GLRA2: variants seen among roughly 807,000 people sequenced by gnomAD.
GLRA2 encodes the protein glycine receptor subunit alpha-2.
GLRA2 carries 11 observed loss-of-function variants against 31.6 expected under a neutral mutation model. The observed-to-expected ratio is 0.35, with a 90% CI of 0.22 to 0.58. The LOEUF (loss-of-function observed/expected upper bound fraction) is 0.58. Among genes scored for constraint, GLRA2 ranks in the 20% least tolerant of loss-of-function variants. GLRA2 has a pLI of 0.84. For synonymous variants in GLRA2, 132 were observed against 134.0 expected (o/e 0.99, Z 0.10); for missense variants, 212 against 351.8 (o/e 0.60, Z 3.18).
At chrX:14,567,580 C>T (rs1052990490) in intron 2 of GLRA2, among the ~76,000 whole-genome samples, 13 of 112,213 alleles carry the variant, frequency 1.2e-4, no homozygotes, top group Non-Finnish European at 1.9e-5. Flanking sequence ...AGAAATAAGA[C>T]AATACCTGCC....
intron 8 of GLRA2, among the ~76,000 whole-genome samples, chrX:14,699,756 C>G (rs1349003052): frequency 8.9e-6 from 1 of 111,776 alleles, no homozygotes; most frequent in Non-Finnish European, 1.9e-5. Flanking sequence ...CTGATAACCA[C>G]TATTATACTG....
intron 8 of GLRA2, among the ~76,000 whole-genome samples, chrX:14,717,876 A>G (rs903825806): frequency 9.0e-6 from 1 of 111,017 alleles, no homozygotes; most frequent in African/African-American, 3.3e-5. Flanking sequence ...TATGGTTCAG[A>G]TACTTATTTT....
At chrX:14,668,699 C>T (rs778765001) in intron 7 of GLRA2, among the ~76,000 whole-genome samples, 5 of 111,861 alleles carry the variant, frequency 4.5e-5, no homozygotes, top group Admixed American at 2.8e-4. Flanking sequence ...CATCACATGT[C>T]GTGAGACTTA....
intron 7 of GLRA2, among the ~76,000 whole-genome samples, chrX:14,609,507 T>C (rs1007775125): frequency 1.8e-5 from 2 of 111,228 alleles, no homozygotes; most frequent in African/African-American, 3.3e-5. Context: ...CGGTTGTTTA[T>C]AAGACATGAA....
intron 7 of GLRA2, among the ~76,000 whole-genome samples, chrX:14,638,480 T>G (rs1394987210): frequency 9.0e-6 from 1 of 111,507 alleles, no homozygotes; most frequent in East Asian, 2.8e-4. Flanking sequence ...ATTTTTACAT[T>G]AATGGTAATA....
chrX:14,655,072 C>T (rs1389947622), intron 7 of GLRA2, among the ~76,000 whole-genome samples: 1 of 111,179 alleles, frequency 9.0e-6, no homozygotes, highest in East Asian at 2.8e-4. Context: ...AGTGGGGACA[C>T]AGCCAAACCA....
At chrX:14,701,007 C>A (rs1041326009) in intron 8 of GLRA2, among the ~76,000 whole-genome samples, 9 of 109,493 alleles carry the variant, frequency 8.2e-5, no homozygotes, top group Non-Finnish European at 1.5e-4. Flanking sequence ...AAGGACATGG[C>A]AAGTTTGTGG....
chrX:14,681,910 A>AAAAAAAAAT (rs758563376), intron 7 of GLRA2, among the ~76,000 whole-genome samples: 1 of 41,294 alleles, frequency 2.4e-5, no homozygotes, highest in Non-Finnish European at 4.4e-5. Flanking sequence ...AAAAAAAAAA[A>AAAAAAAAAT]ATATATATAT....
chrX:14,637,046 A>G (rs16996966), intron 7 of GLRA2, among the ~76,000 whole-genome samples: 1,342 of 111,912 alleles, frequency 0.012, 16 homozygotes, highest in African/African-American at 0.04. Context: ...GGACAGTGCC[A>G]AGATATTCAT....
the GLRA2 span, among the ~76,000 whole-genome samples, chrX:14,518,421 A>G: frequency 9.0e-6 from 1 of 111,650 alleles, no homozygotes; most frequent in African/African-American, 3.3e-5. Flanking sequence ...GTATAAGAAT[A>G]TTATGCAGCA....
At chrX:14,721,687 T>C (rs1203541679) in intron 8 of GLRA2, among the ~76,000 whole-genome samples, 2 of 111,587 alleles carry the variant, frequency 1.8e-5, no homozygotes, top group East Asian at 5.6e-4. Context: ...AGGCCTGTTC[T>C]GATTTGAGGA....
chrX:14,674,009 C>A (rs1264760130), intron 7 of GLRA2, among the ~76,000 whole-genome samples: 1 of 112,288 alleles, frequency 8.9e-6, no homozygotes, highest in Non-Finnish European at 1.9e-5. Context: ...GAGGGAGGTT[C>A]CCACAGGGGT....
intron 7 of GLRA2, among the ~76,000 whole-genome samples, chrX:14,648,458 T>C (rs2090855351): frequency 8.9e-6 from 1 of 111,935 alleles, no homozygotes; most frequent in East Asian, 2.8e-4. Flanking sequence ...CTCTGAGACA[T>C]TGGGTTAGAG....
chrX:14,515,283 A>C, the GLRA2 span, among the ~76,000 whole-genome samples: 5 of 111,538 alleles, frequency 4.5e-5, no homozygotes, highest in African/African-American at 1.6e-4. Flanking sequence ...TCTATTTCCA[A>C]CTGATCTGAA....
At chrX:14,692,858 G>C (rs2091381420) in intron 8 of GLRA2, among the ~76,000 whole-genome samples, 1 of 111,520 alleles carries the variant, frequency 9.0e-6, no homozygotes, top group Non-Finnish European at 1.9e-5. Flanking sequence ...AATTAGCAAT[G>C]TCTGGCATTA....
At chrX:14,706,557 A>G (rs2091625323) in intron 8 of GLRA2, among the ~76,000 whole-genome samples, 1 of 111,958 alleles carries the variant, frequency 8.9e-6, no homozygotes, top group African/African-American at 3.3e-5. Context: ...ATTTAACCCT[A>G]TGTTGCTTGT....
chrX:14,723,842 A>T (rs2091895259), intron 8 of GLRA2, among the ~76,000 whole-genome samples: 1 of 112,290 alleles, frequency 8.9e-6, no homozygotes, highest in Non-Finnish European at 1.9e-5. Context: ...GTAAGCTCTC[A>T]TAGCATCTTA....
At chrX:14,571,197 C>A (rs1371074022) in intron 2 of GLRA2, among the ~76,000 whole-genome samples, 2 of 111,948 alleles carry the variant, frequency 1.8e-5, no homozygotes, top group African/African-American at 6.5e-5. Context: ...AATATCATCA[C>A]TTTGCTGATA....
chrX:14,635,508 T>C (rs2090701127), intron 7 of GLRA2, among the ~76,000 whole-genome samples: 1 of 111,936 alleles, frequency 8.9e-6, no homozygotes, highest in Non-Finnish European at 1.9e-5. Context: ...TCTGTTTCTA[T>C]AACGCTTGTG....
Sources: gnomAD v4.1 joint callset for allele counts (sites outside exome capture counted in the v4.1 genomes callset) on GRCh38, gnomAD v4.1.1 for gene constraint, MANE v1.5 for transcripts, NCBI Gene and HGNC (gene_info 2026-07-23, HGNC 2026-07-21) for gene names.